The following RASSF5 variants were observed in gnomAD, a reference collection of about 807,000 sequenced individuals.
The protein encoded by RASSF5 is Ras association domain family member 5.
RASSF5 carries 25 observed loss-of-function variants against 40.5 expected under a neutral mutation model. The ratio of observed to expected loss-of-function variants is 0.62; its 90% CI spans 0.45 to 0.86. RASSF5 has a LOEUF of 0.86. Ranked by LOEUF, RASSF5 falls within the 40% of genes least tolerant of loss-of-function variation. The pLI is 0.00. For missense variants in RASSF5, 521 were observed against 572.8 expected, an observed-to-expected ratio of 0.91 and a Z score of 0.92; for synonymous variants, 246 against 252.4, an observed-to-expected ratio of 0.97 and a Z score of 0.24.
At chr1:206,516,669 G>A (rs1479439206) in intron 1 of RASSF5, among the ~76,000 whole-genome samples, 1 of 152,144 alleles carries the variant, frequency 6.6e-6, no homozygotes, top group Admixed American at 6.5e-5. Flanking sequence ...GTGTTAGCCA[G>A]GATGGTCTCA....
intron 2 of RASSF5, among the ~76,000 whole-genome samples, chr1:206,574,307 G>A (rs114002748): frequency 1.4e-3 from 208 of 152,288 alleles, no homozygotes; most frequent in Non-Finnish European, 2.2e-3. Flanking sequence ...GTGCCACAGC[G>A]CATCCATCTC....
chr1:206,575,167 C>G lies in RASSF5; in HGVS notation c.580-8102C>G, dbSNP rs190350755. Reference sequence around the variant, plus strand: ...CCAGCCCAGATAGATGGGTGTCTGCCCCTTGCCTGCAGACGTTCCCATCTA... The same window carrying G: ...CCAGCCCAGATAGATGGGTGTCTGCGCCTTGCCTGCAGACGTTCCCATCTA... On this transcript the variant is annotated intron_variant, in intron 2 of 5. Coordinates refer to ENST00000579436, the MANE Select transcript of RASSF5 (RefSeq NM_182663.4). 2.1e-4 allele frequency among the ~76,000 whole-genome samples: 32 copies of G among 152,170 alleles called. 1 individual carries two copies. In the East Asian group the frequency reaches 5.8e-3, roughly 28 times the overall value.
intron 2 of RASSF5, among the ~76,000 whole-genome samples, chr1:206,545,401 A>G (rs1291637639): frequency 7.2e-6 from 1 of 138,512 alleles, no homozygotes; most frequent in Non-Finnish European, 1.5e-5. Flanking sequence ...CCCAGGCTGG[A>G]GTGTAGTGGT....
intron 1 of RASSF5, chr1:206,529,365 CTGG>C: frequency 1.3e-6 from 1 of 759,310 alleles, no homozygotes; most frequent in Non-Finnish European, 2.4e-6. Context: ...GAAAGCTCAG[CTGG>C]TGGTGATTGC....
At chr1:206,557,691 A>C (rs781899492) in intron 2 of RASSF5, 9 of 1,614,084 alleles carry the variant, frequency 5.6e-6, no homozygotes, top group Non-Finnish European at 6.8e-6. Context: ...ACATCTTTCA[A>C]AGGTAAACAT....
In RASSF5 at chr1:206,586,897, C is replaced by T. The variant is rs1669140368; in HGVS notation, c.1176C>T (p.Ile392=). The T allele has an allele frequency of 9.3e-6, 15 of 1,614,158 alleles. No individual in the cohort carries two copies. Among genetic ancestry groups the T allele is most frequent in the Non-Finnish European group, 1.3e-5 (15 of 1,180,010 alleles). The change falls in exon 6 of 6, where the codon ATC becomes ATT. Residue 392 remains isoleucine, a synonymous_variant. Transcript: ENST00000579436. ...TILEKEEQDK[I]QQVQKKYDKF... ...TGGAAAAAGAGGAGCAGGACAAAAT[C>T]CAACAAGTGCAAAAGAAGTATGACA...
At chr1:206,578,232 AAGTGTGTGTGT>A (rs1413531262) in intron 2 of RASSF5, among the ~76,000 whole-genome samples, 29 of 130,422 alleles carry the variant, frequency 2.2e-4, no homozygotes, top group Non-Finnish European at 3.6e-4. Context: ...CAAAAAAAAA[AAGTGTGTGTGT>A]GTGTGTGTGT....
Position 206,535,159 on chromosome 1 carries a change from T to A in RASSF5, c.458-3013T>A, listed in dbSNP as rs1237079545. Among the ~76,000 whole-genome samples the A allele has an allele frequency of 1.3e-5, 2 of 152,150 alleles. No individual in the cohort carries two copies. The highest frequency in any genetic ancestry group is 2.9e-5 in the Non-Finnish European group (2 of 68,022). On this transcript the variant is annotated intron_variant, in intron 1 of 5. Transcript: ENST00000579436. The surrounding 1 kb of genome is among the most constrained non-coding windows in gnomAD (Gnocchi z 5.0). ...TGGAGTTTGCAGAGAGCCACGATAG[T>A]GCCACTGCACTGCAGCCTGGGTGGC... is the stretch of plus-strand genomic sequence containing the variant.
chr1:206,548,318 C>T (rs1558508461), intron 2 of RASSF5, among the ~76,000 whole-genome samples: 1 of 152,144 alleles, frequency 6.6e-6, no homozygotes, highest in Non-Finnish European at 1.5e-5. Flanking sequence ...TGATCAGGAC[C>T]TCAGGAGGCT....
At chr1:206,553,170 C>G (rs1486956605) in intron 2 of RASSF5, among the ~76,000 whole-genome samples, 2 of 151,946 alleles carry the variant, frequency 1.3e-5, no homozygotes, top group Non-Finnish European at 2.9e-5. Context: ...CCACTGCACT[C>G]CAGCCTGGGT....
In RASSF5 at chr1:206,583,362, T is replaced by C; in HGVS notation, c.673T>C (p.Cys225Arg). 1 of 1,611,480 alleles carries C rather than the reference T, an allele frequency of 6.2e-7. No homozygotes were observed. The highest frequency in any genetic ancestry group is 2.2e-5 in the East Asian group (1 of 44,850). ...IDSYNTREKN[C>R]LGMKLSEDGT... is the part of the protein sequence containing the mutation. The stretch of plus-strand genomic sequence containing the variant: ...CAGCTACAACACGCGAGAGAAGAAC[T>C]GCCTGGGCATGAAACTGGTAAGCGC... Residue 225 changes from cysteine to arginine, a missense_variant, in exon 3 of 6, where the codon TGC becomes CGC. By Grantham distance (180) the Cys-to-Arg change is radical. Around this residue, in one of 2 missense-constraint regions of RASSF5, gnomAD observed 284 missense variants for 360.8 expected, o/e 0.79. Coordinates refer to ENST00000579436, the MANE Select transcript of RASSF5 (RefSeq NM_182663.4).
At chr1:206,534,657 C>T (rs1436222165) in intron 1 of RASSF5, among the ~76,000 whole-genome samples, 1 of 152,306 alleles carries the variant, frequency 6.6e-6, no homozygotes, top group African/African-American at 2.4e-5. Context: ...CTTCCTAGGT[C>T]TGTGCCACAG....
At chr1:206,509,026 C>T (rs551002286) in intron 1 of RASSF5, among the ~76,000 whole-genome samples, 43 of 150,226 alleles carry the variant, frequency 2.9e-4, no homozygotes, top group Non-Finnish European at 5.6e-4. Flanking sequence ...CAGAGGATAT[C>T]CACAGCCATG....
intron 1 of RASSF5, among the ~76,000 whole-genome samples, chr1:206,521,802 A>G (rs1666916164): frequency 6.6e-6 from 1 of 152,140 alleles, no homozygotes; most frequent in Non-Finnish European, 1.5e-5. Flanking sequence ...CTGTCTTCTC[A>G]GGGGCCCAGG....
intron 4 of RASSF5, 44 bp from the exon 5 acceptor site, chr1:206,585,136 T>A: frequency 1.3e-6 from 2 of 1,504,968 alleles, no homozygotes; most frequent in East Asian, 2.3e-5. Flanking sequence ...GGCCCCGCCC[T>A]TCTTTTCTGG....
chr1:206,523,659 A>ATATATAAAATATATTATATATAATATATT, intron 1 of RASSF5, among the ~76,000 whole-genome samples: 1 of 100,212 alleles, frequency 1.0e-5, no homozygotes, highest in African/African-American at 4.1e-5. Flanking sequence ...TTTATATAAA[A>ATATATAAAATATATTATATATAATATATT]TATATAAAAT....
chr1:206,554,646 C>T (rs12569123), intron 2 of RASSF5, among the ~76,000 whole-genome samples: 32,013 of 152,076 alleles, frequency 0.21, 3,592 homozygotes, highest in Middle Eastern at 0.38. Flanking sequence ...CTCTTCCATG[C>T]CCCCTCCCTC....
chr1:206,557,493 G>A (rs2103538763), intron 2 of RASSF5: 2 of 1,591,832 alleles, frequency 1.3e-6, no homozygotes, highest in Non-Finnish European at 1.7e-6. Flanking sequence ...AGCCCGGGGA[G>A]GGGTGCCCAC....
rs782690682 is a variant in RASSF5, at chr1:206,584,395, C to T, written c.699C>T (p.Asp233=). The part of the protein sequence containing the change: ...KNCLGMKLSE[D]GTYTGFIKVH... ...CATGCCCCCGCTGGCAGAGTGAAGA[C>T]GGCACCTACACGGGTTTCATCAAAG... The change falls in exon 4 of 6, where the codon GAC becomes GAT. Residue 233 remains aspartate (D), a synonymous_variant. Transcript: ENST00000579436. The surrounding 1 kb of genome is among the most constrained non-coding windows in gnomAD (Gnocchi z 4.9). 24 of 1,610,300 alleles carry T rather than the reference C, an allele frequency of 1.5e-5. No homozygotes were observed. The highest frequency in any genetic ancestry group is 2.2e-5 in the East Asian group (1 of 44,880).
Sources: gnomAD v4.1 joint callset for allele counts (sites outside exome capture counted in the v4.1 genomes callset) on GRCh38, gnomAD v4.1.1 for gene constraint, gnomAD v4.1.1 regional missense constraint, Gnocchi (gnomAD v3.1) non-coding constraint, MANE v1.5 for transcripts, NCBI Gene and HGNC (gene_info 2026-07-23, HGNC 2026-07-21) for gene names.